Variants in SNX29 observed in about 807,000 individuals in gnomAD.
SNX29 encodes sorting nexin 29, also known as sorting nexin-29.
SNX29 carries 78 observed loss-of-function variants against 102.1 expected under a neutral mutation model. That is an observed-to-expected ratio of 0.76 (90% CI 0.64 to 0.92). SNX29 has a LOEUF of 0.92. SNX29 is among the 40% of genes least tolerant of loss of function. The pLI is 0.00. For missense variants in SNX29, 1,280 were observed against 1,061.7 expected, an observed-to-expected ratio of 1.21 and a Z score of -2.86; for synonymous variants, 580 against 414.5, an observed-to-expected ratio of 1.40 and a Z score of -4.85.
At position 12,563,152 on chromosome 16, in the gene SNX29, A is replaced by AG. The variant is rs547846670; in HGVS notation, c.2319-5347dup. On this transcript the variant is annotated intron_variant, in intron 20 of 20. Coordinates refer to ENST00000566228, the MANE Select transcript of SNX29 (RefSeq NM_032167.5). ...CGCCACACGTCCTCATCCCAGCTCCAGGGGGGGCAACTCTGGGCTCAGGGA... is the reference window on the plus strand; with the variant it reads ...CGCCACACGTCCTCATCCCAGCTCCAGGGGGGGGCAACTCTGGGCTCAGGGA... Among the ~76,000 whole-genome samples, 756 of 151,834 alleles carry AG rather than the reference A, an allele frequency of 5.0e-3. 28 individuals are homozygous for AG. Among genetic ancestry groups the AG allele is most frequent in the Admixed American group, 0.044 (665 of 15,258 alleles).
intron 15 of SNX29, among the ~76,000 whole-genome samples, chr16:12,311,581 G>C (rs77240619): frequency 1.3e-5 from 2 of 152,350 alleles, no homozygotes; most frequent in East Asian, 3.9e-4. Context: ...TGGCCCGTCC[G>C]CCTTTAGGTC....
intron 15 of SNX29, among the ~76,000 whole-genome samples, chr16:12,352,186 A>G (rs897716277): frequency 9.9e-5 from 15 of 152,232 alleles, no homozygotes; most frequent in African/African-American, 3.1e-4. Flanking sequence ...CTATGCAGCC[A>G]TAAAAAATGA....
At chr16:12,542,145 C>A (rs8062450) in intron 20 of SNX29, among the ~76,000 whole-genome samples, 1 of 152,138 alleles carries the variant, frequency 6.6e-6, no homozygotes, top group African/African-American at 2.4e-5. Context: ...TCAGCCCACG[C>A]TACCTGGGCT....
At position 12,126,447 on chromosome 16, in the gene SNX29, C is replaced by T. The variant is rs200063508; in HGVS notation, c.1403-186C>T. Among the ~76,000 whole-genome samples, 5 of 152,364 alleles carry T rather than the reference C, an allele frequency of 3.3e-5. No individual in the cohort carries two copies. The East Asian group carries it at 9.6e-4, about 29-fold the overall frequency. On this transcript the variant is annotated intron_variant, in intron 11 of 20. Transcript: ENST00000566228. The stretch of plus-strand genomic sequence containing the variant: ...TGAACCTGGGACCTGACTTCAGAGA[C>T]TGTGCTCTAAAATCCAGGACCCTGA...
chr16:12,242,680 G>T (rs1369918228), intron 14 of SNX29, among the ~76,000 whole-genome samples: 2 of 147,552 alleles, frequency 1.4e-5, no homozygotes, highest in East Asian at 2.0e-4. Flanking sequence ...TTGAGGCAGG[G>T]TCTTACTGTG....
chr16:12,554,296 A>G (rs878974024), intron 20 of SNX29, among the ~76,000 whole-genome samples: 4 of 152,144 alleles, frequency 2.6e-5, no homozygotes, highest in Admixed American at 1.3e-4. Flanking sequence ...CTTGCTTCAT[A>G]TGAGGTTTCA....
At chr16:12,236,592 A>G (rs1044649277) in intron 14 of SNX29, among the ~76,000 whole-genome samples, 2 of 152,102 alleles carry the variant, frequency 1.3e-5, no homozygotes, top group Admixed American at 6.5e-5. Context: ...ATTGAATGCT[A>G]TTCTTCCTCC....
chr16:12,389,364 G>T (rs1311989330), intron 16 of SNX29, among the ~76,000 whole-genome samples: 2 of 152,110 alleles, frequency 1.3e-5, no homozygotes, highest in Non-Finnish European at 2.9e-5. Context: ...GAATCACGGG[G>T]GCGGTTTCCT....
chr16:12,107,973 C>T (rs1010182845), intron 11 of SNX29, among the ~76,000 whole-genome samples: 3 of 151,340 alleles, frequency 2.0e-5, no homozygotes, highest in African/African-American at 7.3e-5. Flanking sequence ...GATTGATTGA[C>T]GGTAGTGGAA....
intron 15 of SNX29, among the ~76,000 whole-genome samples, chr16:12,314,546 T>C (rs2080669196): frequency 6.6e-6 from 1 of 152,242 alleles, no homozygotes; most frequent in African/African-American, 2.4e-5. Flanking sequence ...TTGTGAGGAC[T>C]AAATGAGTTA....
chr16:12,173,095 T>TGCTCTGCAAGGAAGTCAATTG (rs1267789280), intron 13 of SNX29, among the ~76,000 whole-genome samples: 24 of 152,222 alleles, frequency 1.6e-4, no homozygotes, highest in Non-Finnish European at 2.6e-4. Flanking sequence ...TGTTCCACAT[T>TGCTCTGCAAGGAAGTCAATTG]GCTCTGCAAG....
At chr16:11,976,886 C>A in intron 1 of SNX29, 73 bp downstream of exon 1, 1 of 1,290,450 alleles carries the variant, frequency 7.7e-7, no homozygotes, top group Non-Finnish European at 9.8e-7. Context: ...CACACTCCGG[C>A]CCCTGCGTCC....
chr16:12,563,810 C>T (rs1304304528), intron 20 of SNX29, among the ~76,000 whole-genome samples: 1 of 152,196 alleles, frequency 6.6e-6, no homozygotes, highest in Non-Finnish European at 1.5e-5. Flanking sequence ...CACCCATTTG[C>T]TGCTTTTTAT....
intron 18 of SNX29, among the ~76,000 whole-genome samples, chr16:12,407,599 C>T (rs2084218024): frequency 6.6e-6 from 1 of 152,120 alleles, no homozygotes; most frequent in Non-Finnish European, 1.5e-5. Flanking sequence ...TAATTAGTAG[C>T]CACCTCTCAC....
intron 10 of SNX29, among the ~76,000 whole-genome samples, chr16:12,077,222 C>T (rs2051619191): frequency 6.6e-6 from 1 of 151,574 alleles, no homozygotes. Flanking sequence ...AAGCCTTCAG[C>T]GAGCTGAGAT....
chr16:12,231,764 C>T (rs1005675384), intron 14 of SNX29, among the ~76,000 whole-genome samples: 1 of 152,162 alleles, frequency 6.6e-6, no homozygotes, highest in Non-Finnish European at 1.5e-5. Context: ...AGCAAACAGG[C>T]CCTCTTGGCC....
At chr16:12,023,484 G>C (rs1170039082) in intron 3 of SNX29, among the ~76,000 whole-genome samples, 1 of 151,062 alleles carries the variant, frequency 6.6e-6, no homozygotes, top group African/African-American at 2.4e-5. Context: ...AGGCTGAGGT[G>C]GGAGGATCGT....
At chr16:12,192,703 T>C (rs1001870804) in intron 13 of SNX29, among the ~76,000 whole-genome samples, 1 of 151,706 alleles carries the variant, frequency 6.6e-6, no homozygotes, top group Admixed American at 6.6e-5. Context: ...TTATTTCATT[T>C]ATTTATTTAT....
intron 14 of SNX29, among the ~76,000 whole-genome samples, chr16:12,265,286 T>C (rs908104676): frequency 2.0e-5 from 3 of 152,080 alleles, no homozygotes; most frequent in African/African-American, 7.2e-5. Flanking sequence ...GAAACATGAG[T>C]CTAAAGTTTC....
Sources: gnomAD v4.1 joint callset for allele counts (sites outside exome capture counted in the v4.1 genomes callset) on GRCh38, gnomAD v4.1.1 for gene constraint, MANE v1.5 for transcripts, NCBI Gene and HGNC (gene_info 2026-07-23, HGNC 2026-07-21) for gene names.